MBD1: variants seen among roughly 807,000 people sequenced by gnomAD.
MBD1 encodes methyl-CpG binding domain protein 1.
In MBD1, 25 loss-of-function variants were observed where a neutral mutation model predicts 82.6. That is an observed-to-expected ratio of 0.30 (90% confidence interval 0.22 to 0.42). The LOEUF (loss-of-function observed/expected upper bound fraction) is 0.42, where lower values mean the gene tolerates loss of function less well. Among genes scored for constraint, MBD1 ranks in the 10% least tolerant of loss-of-function variants. The pLI, the probability that MBD1 is intolerant of heterozygous loss-of-function variation, is 1.00. For missense variants in MBD1, 627 were observed against 819.6 expected, an observed-to-expected ratio of 0.76 and a Z score of 2.87; for synonymous variants, 301 against 303.7, an observed-to-expected ratio of 0.99 and a Z score of 0.09.
rs1317524301 is a variant in MBD1 at position 50,279,834 on chromosome 18, G to C, written c.110+49C>G. 5 of 1,612,038 alleles carry C rather than the reference G, an allele frequency of 3.1e-6. No homozygotes were observed. In the African/African-American group the frequency reaches 6.7e-5, roughly 22 times the overall value. On this transcript the variant is annotated intron_variant, in intron 2 of 16. Coordinates refer to ENST00000269468, the MANE Select transcript of MBD1 (RefSeq NM_015846.4). ...TTAACCACACCATTTGATTTTACCA[G>C]AATCAGGCTCTACCCCACTCCTGAC... is the stretch of plus-strand genomic sequence containing the variant.
rs1484208301 is a variant in MBD1, at chr18:50,273,373, G to A, written c.1545C>T (p.Val515=). 1 of 1,614,186 alleles carries A rather than the reference G, an allele frequency of 6.2e-7. No homozygotes were observed. Among genetic ancestry groups the A allele is most frequent in the Non-Finnish European group, 8.5e-7 (1 of 1,180,034 alleles). Residue 515 remains valine, a synonymous_variant, in exon 13 of 17, where the codon GTC becomes GTT. Coordinates refer to ENST00000269468, the MANE Select transcript of MBD1 (RefSeq NM_015846.4). ...CAGGCACCAATACGGGAGAAGTCAG[G>A]ACAGCTGTGCCTGGTGTCCACTCGT... ...TQDEWTPGTA[V]LTSPVLVPGC... is the part of the protein sequence containing the mutation.
In MBD1 at chr18:50,269,801, G is replaced by C; in HGVS notation, c.*50C>G. 1 of 788,182 alleles carries C rather than the reference G, an allele frequency of 1.3e-6. No homozygotes were observed. The highest frequency in any genetic ancestry group is 1.3e-5 in the South Asian group (1 of 74,762). 48.8% of individuals were successfully genotyped at this position (788,182 alleles called of 1,614,324 possible). A position where few individuals can be genotyped will look rare whatever the true frequency, so the allele number is the denominator to read the frequency against. ...CACTTTACATCCATCTTCCCTTCCCGAGTGCCTGCCCTGCAGACTTCAAGC... is the reference window on the plus strand; with the variant it reads ...CACTTTACATCCATCTTCCCTTCCCCAGTGCCTGCCCTGCAGACTTCAAGC... On this transcript the variant is annotated 3_prime_UTR_variant, in exon 17 of 17. Coordinates refer to ENST00000269468, the MANE Select transcript of MBD1 (RefSeq NM_015846.4).
intron 4 of MBD1, 29 bp downstream of exon 4, chr18:50,276,803 C>T: frequency 1.2e-6 from 2 of 1,614,236 alleles, no homozygotes; most frequent in Non-Finnish European, 1.7e-6. Flanking sequence ...AACCCTCACC[C>T]ATCTGGCTCA....
intron 11 of MBD1, 148 bp downstream of exon 11, chr18:50,274,038 G>C: frequency 7.5e-7 from 1 of 1,328,658 alleles, no homozygotes; most frequent in Non-Finnish European, 1.1e-6. Flanking sequence ...ATGCCACCTA[G>C]ACTCATTAAG....
At chr18:50,270,345 C>G (rs979743489) in intron 16 of MBD1, 1 of 662,396 alleles carries the variant, frequency 1.5e-6, no homozygotes, top group South Asian at 1.5e-5. Context: ...AATTACAGGT[C>G]TAATCTTTTT....
chr18:50,278,348 A>T (rs940230141), intron 2 of MBD1, among the ~76,000 whole-genome samples: 5 of 152,352 alleles, frequency 3.3e-5, no homozygotes, highest in African/African-American at 9.6e-5. Context: ...AGACTACTGT[A>T]TTCTGGATCC....
intron 10 of MBD1, 93 bp from the exon 11 acceptor site, chr18:50,274,446 C>A: frequency 7.3e-7 from 1 of 1,373,358 alleles, no homozygotes; most frequent in South Asian, 1.3e-5. Flanking sequence ...GCTCCTCTAG[C>A]CCCATAAGAC....
In MBD1 at chr18:50,275,232, C is replaced by T. The variant is rs754846005; in HGVS notation, c.806G>A (p.Arg269His). 16 of 1,614,090 alleles carry T rather than the reference C, an allele frequency of 9.9e-6. No homozygotes were observed. The highest frequency in any genetic ancestry group is 3.3e-4 in the Middle Eastern group (2 of 6,062). ...QRRCLRGKHA[R>H]RKGGCDSKMA... ...CTTGGAGTCACAGCCTCCCTTGCGGCGGGCATGTTTACCCTGGGAAAGATC... is the reference window on the plus strand; with the variant it reads ...CTTGGAGTCACAGCCTCCCTTGCGGTGGGCATGTTTACCCTGGGAAAGATC... Residue 269 changes from arginine (R) to histidine (H), a missense_variant, in exon 9 of 17, where the codon CGC becomes CAC. By Grantham distance (29) the Arg-to-His change is conservative. Transcript: ENST00000269468.
intron 16 of MBD1, chr18:50,270,355 T>G: frequency 1.6e-6 from 1 of 624,070 alleles, no homozygotes; most frequent in Non-Finnish European, 3.0e-6. Flanking sequence ...CTAATCTTTT[T>G]GGCACTTTAT....
chr18:50,274,056 C>T, intron 11 of MBD1, 130 bp downstream of exon 11: 4 of 1,406,492 alleles, frequency 2.8e-6, no homozygotes, highest in Non-Finnish European at 4.0e-6. Flanking sequence ...AAGCCAAGAA[C>T]AATGTCTGTT....
At chr18:50,273,250 C>T (rs1170963828) in intron 13 of MBD1, 84 bp downstream of exon 13, 1 of 1,567,086 alleles carries the variant, frequency 6.4e-7, no homozygotes, top group Non-Finnish European at 8.7e-7. Context: ...TTGCTCTGCT[C>T]AAGAGAACCA....
At chr18:50,279,057 A>G (rs997869815) in intron 2 of MBD1, among the ~76,000 whole-genome samples, 1 of 152,246 alleles carries the variant, frequency 6.6e-6, no homozygotes, top group African/African-American at 2.4e-5. Context: ...ACTCCTGATC[A>G]GCAGAACCTG....
chr18:50,275,346 C>G, intron 8 of MBD1, 101 bp from the exon 9 acceptor site: 1 of 1,612,566 alleles, frequency 6.2e-7, no homozygotes, highest in South Asian at 1.1e-5. Flanking sequence ...GACAGGCAGA[C>G]AGAGGGTGGC....
intron 16 of MBD1, 102 bp from the exon 17 acceptor site, chr18:50,269,920 A>C: frequency 2.3e-6 from 3 of 1,284,014 alleles, no homozygotes; most frequent in Non-Finnish European, 3.4e-6. Context: ...AAATCCCTTA[A>C]AATACATATA....
chr18:50,271,566 T>G (rs777920060), intron 15 of MBD1, 26 bp from the exon 16 acceptor site: 9 of 1,614,170 alleles, frequency 5.6e-6, no homozygotes, highest in Non-Finnish European at 6.8e-6. Context: ...CAGGTCTGTA[T>G]GTTGAATGAG....
At position 50,273,947 on chromosome 18, in the gene MBD1, CT is replaced by C. The variant is rs2146859959; in HGVS notation, c.1147-85del. On this transcript the variant is annotated intron_variant, in intron 11 of 16. Transcript: ENST00000269468. ...TGCCCGGCTCCACATGCCTGCTAAT[CT>C]CCCATCAGTCCCAGCACGGAATCTG... The C allele has an allele frequency of 2.0e-6, 3 of 1,532,406 alleles. No homozygotes were observed. In the South Asian group the frequency reaches 3.4e-5, roughly 17 times the overall value. The allele number at this position is 1,532,406 out of a possible 1,614,324, so 94.9% of individuals were successfully genotyped here.
intron 13 of MBD1, 30 bp from the exon 14 acceptor site, chr18:50,272,985 A>G (rs750306168): frequency 1.9e-6 from 3 of 1,613,904 alleles, no homozygotes; most frequent in Non-Finnish European, 2.5e-6. Flanking sequence ...GGCAACCATT[A>G]GAAGGGCAGA....
chr18:50,278,185 G>A (rs530573927), intron 2 of MBD1, among the ~76,000 whole-genome samples: 10 of 152,192 alleles, frequency 6.6e-5, no homozygotes, highest in Admixed American at 1.3e-4. Context: ...AGGACTGAGC[G>A]GGATGGTGTG....
In MBD1 at chr18:50,269,018, A is replaced by G; in HGVS notation, c.*833T>C. On this transcript the variant is annotated 3_prime_UTR_variant, in exon 17 of 17. Transcript: ENST00000269468. ...CATTAAATTCCATGATAAAGTTGGA[A>G]ATCCATTCACCATTTGTAATACATA... 1.0e-6 allele frequency: 1 copy of G among 985,896 alleles called. No individual in the cohort carries two copies. The highest frequency in any genetic ancestry group is 1.2e-6 in the Non-Finnish European group (1 of 830,244). 61.1% of individuals were successfully genotyped at this position (985,896 alleles called of 1,614,324 possible).
Sources: gnomAD v4.1 joint callset for allele counts (sites outside exome capture counted in the v4.1 genomes callset) on GRCh38, gnomAD v4.1.1 for gene constraint, MANE v1.5 for transcripts, NCBI Gene and HGNC (gene_info 2026-07-23, HGNC 2026-07-21) for gene names.